The following KCNJ10 variants were observed in gnomAD, a reference collection of about 807,000 sequenced individuals.
KCNJ10 encodes the protein ATP-sensitive inward rectifier potassium channel 10.
Under a neutral mutation model 22.2 loss-of-function variants are expected in KCNJ10, and 9 were observed. The ratio of observed to expected loss-of-function variants is 0.40; its 90% CI spans 0.24 to 0.71. The LOEUF is 0.71. Ranked by LOEUF, KCNJ10 falls within the 30% of genes least tolerant of loss-of-function variation. The pLI, the probability that KCNJ10 is intolerant of heterozygous loss-of-function variation, is 0.35. For missense variants in KCNJ10, 337 were observed against 482.7 expected (o/e 0.70, Z 2.83); for synonymous variants, 184 against 187.3 (o/e 0.98, Z 0.15).
At chr1:160,049,246 A>T (rs1648820280) in intron 1 of KCNJ10, among the ~76,000 whole-genome samples, 1 of 152,152 alleles carries the variant, frequency 6.6e-6, no homozygotes, top group Admixed American at 6.5e-5. Flanking sequence ...AGACAGGCCA[A>T]ACCCAGGCTG....
chr1:160,041,872 G>A lies in KCNJ10; in HGVS notation c.661C>T (p.His221Tyr). The change falls in exon 2 of 2, where the codon CAC (histidine) becomes TAC (tyrosine). Residue 221 changes from histidine to tyrosine, a missense_variant. By Grantham distance (83) the His-to-Tyr change is moderately conservative. This residue lies in a region of KCNJ10 where 165 missense variants were observed against 281.5 expected (regional missense o/e 0.59). Transcript: ENST00000644903. This position sits in a 1 kb window ranked among gnomAD's most constrained non-coding sequence, Gnocchi z 4.4. ...CQVTGKLLQTHQTKEGENIRL... is the reference protein window; with the variant it reads ...CQVTGKLLQTYQTKEGENIRL... ...ATGTTCTCCCCTTCCTTGGTTTGGTGGGTCTGAAGCAGTTTTCCTGTCACC... is the reference window on the plus strand; with the variant it reads ...ATGTTCTCCCCTTCCTTGGTTTGGTAGGTCTGAAGCAGTTTTCCTGTCACC... 4 of 1,614,214 alleles carry A rather than the reference G, an allele frequency of 2.5e-6. No individual in the cohort carries two copies. Among genetic ancestry groups the A allele is most frequent in the Non-Finnish European group, 2.5e-6 (3 of 1,180,040 alleles).
In KCNJ10 at chr1:160,040,658, A is replaced by G; in HGVS notation, c.*735T>C. The G allele has an allele frequency of 5.0e-6, 2 of 398,936 alleles. No homozygotes were observed. Among genetic ancestry groups the G allele is most frequent in the Non-Finnish European group, 8.8e-6 (2 of 226,378 alleles). The allele number at this position is 398,936 out of a possible 1,614,324, so 24.7% of individuals were successfully genotyped here. ...ACTTGTGTTAGTCACTCCAAATTGA[A>G]GAGTTCAGAATCCAGGATAGATATG... On this transcript the variant is annotated 3_prime_UTR_variant, in exon 2 of 2. Transcript: ENST00000644903.
rs1016179010 is a variant in KCNJ10, at chr1:160,052,284, G to A, written c.1-9752C>T. Among the ~76,000 whole-genome samples, 37 of 152,258 alleles carry A rather than the reference G, an allele frequency of 2.4e-4. 1 individual carries two copies. The highest frequency in any genetic ancestry group is 8.7e-4 in the African/African-American group (36 of 41,558). ...GGTCTTTCTGAACCAATCACTGTTT[G>A]GTAAAGACAAATGAATAGGTGGATA... On this transcript the variant is annotated intron_variant, in intron 1 of 1. Coordinates refer to ENST00000644903, the MANE Select transcript of KCNJ10 (RefSeq NM_002241.5).
chr1:160,051,168 T>C (rs190105649), intron 1 of KCNJ10, among the ~76,000 whole-genome samples: 321 of 152,152 alleles, frequency 2.1e-3, no homozygotes, highest in Non-Finnish European at 3.9e-3. Context: ...ATGATCCACC[T>C]GCCTCAGCCT....
In KCNJ10 at chr1:160,050,130, T is replaced by C. The variant is rs75376310; in HGVS notation, c.1-7598A>G. On this transcript the variant is annotated intron_variant, in intron 1 of 1. Coordinates refer to ENST00000644903, the MANE Select transcript of KCNJ10 (RefSeq NM_002241.5). ...GCTGTGTTTTTGTTCATTTATACAA[T>C]AAACACTTTGTTATTGTTATTGAAA... is the stretch of plus-strand genomic sequence containing the variant. 7.0e-4 allele frequency among the ~76,000 whole-genome samples: 107 copies of C among 152,278 alleles called. 1 individual carries two copies. Among genetic ancestry groups the C allele is most frequent in the African/African-American group, 2.5e-3 (105 of 41,558 alleles).
rs1648589688 is a variant in KCNJ10 at position 160,041,167 on chromosome 1, G to C, written c.*226C>G. 1 of 589,736 alleles carries C rather than the reference G, an allele frequency of 1.7e-6. No individual in the cohort carries two copies. The highest frequency in any genetic ancestry group is 2.9e-5 in the Admixed American group (1 of 34,192). 36.5% of individuals were successfully genotyped at this position (589,736 alleles called of 1,614,324 possible). On this transcript the variant is annotated 3_prime_UTR_variant, in exon 2 of 2. Transcript: ENST00000644903. The surrounding 1 kb of genome is among the most constrained non-coding windows in gnomAD (Gnocchi z 4.4). ...CACTCTTTCCCCCATCCTGGCTTAAGGGAGGTATGTGTATTGGGGCAGAAG... is the reference window on the plus strand; with the variant it reads ...CACTCTTTCCCCCATCCTGGCTTAACGGAGGTATGTGTATTGGGGCAGAAG...
At chr1:160,062,988 A>G (rs1174013761) in intron 1 of KCNJ10, among the ~76,000 whole-genome samples, 1 of 152,096 alleles carries the variant, frequency 6.6e-6, no homozygotes, top group Non-Finnish European at 1.5e-5. Flanking sequence ...AGGGAATTCA[A>G]CCTGAACTAG....
intron 1 of KCNJ10, among the ~76,000 whole-genome samples, chr1:160,055,293 G>C (rs566465770): frequency 1.3e-5 from 2 of 152,136 alleles, no homozygotes; most frequent in South Asian, 2.1e-4. Flanking sequence ...CCAGTCTAGG[G>C]GGGGCAGGGG....
intron 1 of KCNJ10, among the ~76,000 whole-genome samples, chr1:160,063,251 G>GCCTC (rs1649243449): frequency 6.6e-6 from 1 of 152,226 alleles, no homozygotes; most frequent in Non-Finnish European, 1.5e-5. Flanking sequence ...CAAAGGGCAG[G>GCCTC]GCCAGAAGGC....
chr1:160,066,656 G>A lies in KCNJ10; in HGVS notation c.-1+3366C>T, dbSNP rs188274083. On this transcript the variant is annotated intron_variant, in intron 1 of 1. Coordinates refer to ENST00000644903, the MANE Select transcript of KCNJ10 (RefSeq NM_002241.5). ...CGAATCCCACAAAGTCAGACTCCAAGGCCATGCTCTTAACCATAGTGCCTG... is the reference window on the plus strand; with the variant it reads ...CGAATCCCACAAAGTCAGACTCCAAAGCCATGCTCTTAACCATAGTGCCTG... Among the ~76,000 whole-genome samples the A allele has an allele frequency of 3.7e-4, 56 of 152,268 alleles. No individual in the cohort carries two copies. The East Asian group carries it at 0.01, about 28-fold the overall frequency.
chr1:160,062,980 G>A (rs1418638578), intron 1 of KCNJ10, among the ~76,000 whole-genome samples: 1 of 152,156 alleles, frequency 6.6e-6, no homozygotes, highest in African/African-American at 2.4e-5. Flanking sequence ...GCTCTTCCAG[G>A]GAATTCAACC....
chr1:160,046,830 G>C (rs1245559704), intron 1 of KCNJ10, among the ~76,000 whole-genome samples: 1 of 152,076 alleles, frequency 6.6e-6, no homozygotes, highest in Admixed American at 6.6e-5. Flanking sequence ...CACCACCCCG[G>C]GGCACCCCCG....
rs759234267 is a variant in KCNJ10 at position 160,042,371 on chromosome 1, G to A, written c.162C>T (p.Asp54=). 4 of 1,613,932 alleles carry A rather than the reference G, an allele frequency of 2.5e-6. No individual in the cohort carries two copies. The highest frequency in any genetic ancestry group is 2.5e-6 in the Non-Finnish European group (3 of 1,179,834). The part of the protein sequence containing the change: ...IADKRFLYLK[D]LWTTFIDMQW... ...GCATGTCAATGAAGGTTGTCCACAG[G>A]TCCTTGAGGTAGAGGAAGCGCTTGT... is the stretch of plus-strand genomic sequence containing the variant. Residue 54 remains aspartate (D), a synonymous_variant, in exon 2 of 2, where the codon GAC becomes GAT. Coordinates refer to ENST00000644903, the MANE Select transcript of KCNJ10 (RefSeq NM_002241.5).
chr1:160,058,908 G>A (rs1649112537), intron 1 of KCNJ10, among the ~76,000 whole-genome samples: 1 of 152,048 alleles, frequency 6.6e-6, no homozygotes, highest in African/African-American at 2.4e-5. Context: ...CCTCCTTCAG[G>A]CTTCAGCTTA....
At chr1:160,060,744 C>T (rs1649171160) in intron 1 of KCNJ10, among the ~76,000 whole-genome samples, 1 of 152,178 alleles carries the variant, frequency 6.6e-6, no homozygotes, top group African/African-American at 2.4e-5. Flanking sequence ...CTGCTCCCAA[C>T]TGCTAGAAGA....
At position 160,041,086 on chromosome 1, in the gene KCNJ10, C is replaced by T. The variant is rs967137131; in HGVS notation, c.*307G>A. The T allele has an allele frequency of 1.1e-5, 5 of 453,284 alleles. No homozygotes were observed. The highest frequency in any genetic ancestry group is 2.0e-5 in the Non-Finnish European group (5 of 245,718). The allele number at this position is 453,284 out of a possible 1,614,324, so 28.1% of individuals were successfully genotyped here. A position where few individuals can be genotyped will look rare whatever the true frequency, so the allele number is the denominator to read the frequency against. On this transcript the variant is annotated 3_prime_UTR_variant, in exon 2 of 2. Transcript: ENST00000644903. This position sits in a 1 kb window ranked among gnomAD's most constrained non-coding sequence, Gnocchi z 4.4. ...TCTATCCTTCCAACCACATGGTCCT[C>T]CTAATGTGAGTATCCAAGCATGGCT...
chr1:160,061,888 G>C (rs1005549785), intron 1 of KCNJ10, among the ~76,000 whole-genome samples: 3 of 152,056 alleles, frequency 2.0e-5, no homozygotes, highest in Admixed American at 2.0e-4. Flanking sequence ...TGGGAGCCGT[G>C]TGTGGGGCCG....
At chr1:160,051,132 C>A (rs763006003) in intron 1 of KCNJ10, among the ~76,000 whole-genome samples, 5 of 151,964 alleles carry the variant, frequency 3.3e-5, no homozygotes, top group Non-Finnish European at 5.9e-5. Flanking sequence ...CCATGTTGGC[C>A]AGGATGGTCT....
chr1:160,048,755 C>G (rs769479853), intron 1 of KCNJ10, among the ~76,000 whole-genome samples: 15 of 152,236 alleles, frequency 9.9e-5, no homozygotes, highest in Non-Finnish European at 1.8e-4. Flanking sequence ...CTCAAACTCT[C>G]TTCTTGCCTC....
Sources: allele counts gnomAD v4.1 joint callset (sites outside exome capture counted in the v4.1 genomes callset), GRCh38; gene constraint gnomAD v4.1.1; regional missense constraint gnomAD v4.1.1; non-coding constraint Gnocchi (gnomAD v3.1); transcripts MANE v1.5; gene names NCBI Gene and HGNC (gene_info 2026-07-23, HGNC 2026-07-21).